Variants in PTPRN2 observed in about 807,000 individuals in gnomAD.
PTPRN2 encodes the protein protein tyrosine phosphatase receptor type N2.
Under a neutral mutation model 118.8 loss-of-function variants are expected in PTPRN2, and 74 were observed. The observed-to-expected ratio is 0.62, with a 90% CI of 0.52 to 0.76. The LOEUF (loss-of-function observed/expected upper bound fraction) is 0.76, where lower values mean the gene tolerates loss of function less well. Ranked by LOEUF, PTPRN2 falls within the 30% of genes least tolerant of loss-of-function variation. PTPRN2 has a pLI of 0.00. For missense variants in PTPRN2, 1,481 were observed against 1,394.4 expected, an observed-to-expected ratio of 1.06 and a Z score of -0.99; for synonymous variants, 641 against 608.0, an observed-to-expected ratio of 1.05 and a Z score of -0.80.
At position 158,355,435 on chromosome 7, in the gene PTPRN2, C is replaced by T. The variant is rs566804846; in HGVS notation, c.164-38503G>A. 6.9e-4 allele frequency among the ~76,000 whole-genome samples: 105 copies of T among 152,336 alleles called. 2 individuals are homozygous for T. In the South Asian group the frequency reaches 0.014, roughly 20 times the overall value. ...AGCTTTTGTGAGCTGTGAACATTGC[C>T]TGCCTCTCTCTCACTCTCCTGCCAG... On this transcript the variant is annotated intron_variant, in intron 2 of 22. Transcript: ENST00000389418.
rs754829334 is a variant in PTPRN2 at position 158,174,487 on chromosome 7, T to G, written c.550-7196A>C. ...AACCATCAGCTTCCCACCATCATCA[T>G]CATCAGCAGCAGCAGCACCATCATC... On this transcript the variant is annotated intron_variant, in intron 5 of 22. Coordinates refer to ENST00000389418, the MANE Select transcript of PTPRN2 (RefSeq NM_002847.5). Among the ~76,000 whole-genome samples the G allele has an allele frequency of 6.5e-4, 98 of 151,328 alleles. 1 individual carries two copies. Among genetic ancestry groups the G allele is most frequent in the Middle Eastern group, 6.8e-3 (2 of 294 alleles).
chr7:157,945,086 T>C (rs530076729), intron 11 of PTPRN2, among the ~76,000 whole-genome samples: 12 of 151,794 alleles, frequency 7.9e-5, no homozygotes, highest in South Asian at 4.2e-4. Flanking sequence ...CTGTGTGAGA[T>C]GGAGATGTGT....
chr7:158,124,786 C>T (rs757556940), intron 9 of PTPRN2, among the ~76,000 whole-genome samples: 37 of 152,146 alleles, frequency 2.4e-4, no homozygotes, highest in Admixed American at 5.2e-4. Flanking sequence ...GCCTGGGCCA[C>T]GCTGGGGCTG....
intron 12 of PTPRN2, among the ~76,000 whole-genome samples, chr7:157,691,968 A>G (rs1797524737): frequency 1.3e-5 from 2 of 152,044 alleles, no homozygotes; most frequent in African/African-American, 4.8e-5. Flanking sequence ...AGCTGGCGAG[A>G]GCCGGAGAGC....
intron 11 of PTPRN2, among the ~76,000 whole-genome samples, chr7:158,050,950 A>C (rs1809281904): frequency 6.6e-6 from 1 of 152,244 alleles, no homozygotes; most frequent in African/African-American, 2.4e-5. Context: ...GAGCACTGAG[A>C]CAACAGCCAC....
chr7:157,834,825 C>T (rs574281261), intron 12 of PTPRN2, among the ~76,000 whole-genome samples: 19 of 152,288 alleles, frequency 1.2e-4, no homozygotes, highest in African/African-American at 4.6e-4. Flanking sequence ...TGTCATGAAC[C>T]CCAAATGTGT....
intron 9 of PTPRN2, among the ~76,000 whole-genome samples, chr7:158,133,085 A>G (rs758681396): frequency 2.0e-4 from 31 of 152,226 alleles, no homozygotes; most frequent in Admixed American, 5.9e-4. Flanking sequence ...CGTTAAGTTC[A>G]GATCGACATG....
chr7:158,359,231 G>T (rs1483751721), intron 2 of PTPRN2, among the ~76,000 whole-genome samples: 3 of 152,252 alleles, frequency 2.0e-5, no homozygotes, highest in Non-Finnish European at 4.4e-5. Context: ...CCAGACACAA[G>T]TCTACAGAGG....
intron 12 of PTPRN2, among the ~76,000 whole-genome samples, chr7:157,774,099 T>G (rs1253904223): frequency 5.9e-5 from 9 of 152,324 alleles, no homozygotes; most frequent in African/African-American, 2.2e-4. Context: ...ACGGACCTAC[T>G]TACTAGGAGC....
At chr7:157,721,461 C>G (rs1799227262) in intron 12 of PTPRN2, among the ~76,000 whole-genome samples, 1 of 152,232 alleles carries the variant, frequency 6.6e-6, no homozygotes, top group South Asian at 2.1e-4. Context: ...GTGTCCATGC[C>G]AAAGCATCTC....
Position 157,814,192 on chromosome 7 carries a change from C to T in PTPRN2, c.1788+84481G>A, listed in dbSNP as rs554538215. Among the ~76,000 whole-genome samples, 24 of 152,334 alleles carry T rather than the reference C, an allele frequency of 1.6e-4. No homozygotes were observed. In the South Asian group the frequency reaches 4.1e-3, roughly 26 times the overall value. On this transcript the variant is annotated intron_variant, in intron 12 of 22. Coordinates refer to ENST00000389418, the MANE Select transcript of PTPRN2 (RefSeq NM_002847.5). ...CTTGGCCTCCATCTTGACAGGCAGG[C>T]GAGGAAGCCCCTGCTGACGCCATTT...
chr7:158,087,626 T>C (rs62480177), intron 10 of PTPRN2, among the ~76,000 whole-genome samples: 4,145 of 34,022 alleles, frequency 0.12, 418 homozygotes, highest in Middle Eastern at 0.35. Context: ...CCTCCCCTGA[T>C]GAAGGAGGGA....
chr7:158,192,293 C>T, intron 5 of PTPRN2, 34 bp downstream of exon 5: 1 of 1,440,966 alleles, frequency 6.9e-7, no homozygotes, highest in Non-Finnish European at 9.1e-7. Context: ...AAGGAAAAGC[C>T]AACCCCGGCC....
At chr7:157,818,984 C>T (rs80126055) in intron 12 of PTPRN2, among the ~76,000 whole-genome samples, 5,341 of 152,144 alleles carry the variant, frequency 0.035, 231 homozygotes, top group East Asian at 0.21. Flanking sequence ...CAGGCCCAGG[C>T]ACCCATGAAA....
At chr7:158,181,439 G>A (rs1824696157) in intron 5 of PTPRN2, among the ~76,000 whole-genome samples, 2 of 152,142 alleles carry the variant, frequency 1.3e-5, no homozygotes, top group African/African-American at 4.8e-5. Flanking sequence ...GTGTCAGAGT[G>A]ATACTGGCTT....
chr7:157,569,066 C>G, intron 20 of PTPRN2, 100 bp from the exon 21 acceptor site: 1 of 1,150,638 alleles, frequency 8.7e-7, no homozygotes, highest in Non-Finnish European at 1.3e-6. Context: ...CTTACGGGGG[C>G]CGGCGAGAGG....
chr7:158,262,771 TTCACACACACTAC>T (rs1286034168), intron 3 of PTPRN2, among the ~76,000 whole-genome samples: 2 of 123,726 alleles, frequency 1.6e-5, no homozygotes, highest in East Asian at 2.6e-4. Context: ...CACACACACA[TTCACACACACTAC>T]ACACATACAC....
At chr7:158,107,597 T>A (rs1815789022) in intron 10 of PTPRN2, among the ~76,000 whole-genome samples, 1 of 152,186 alleles carries the variant, frequency 6.6e-6, no homozygotes. Flanking sequence ...CCTACTTGCC[T>A]GTTTCCATGG....
At chr7:158,279,136 C>T (rs1357071963) in intron 3 of PTPRN2, among the ~76,000 whole-genome samples, 2 of 152,202 alleles carry the variant, frequency 1.3e-5, no homozygotes, top group Non-Finnish European at 2.9e-5. Flanking sequence ...TGGCAGCCTG[C>T]TTTTATCCCC....
Sources: gnomAD v4.1 joint callset for allele counts (sites outside exome capture counted in the v4.1 genomes callset) on GRCh38, gnomAD v4.1.1 for gene constraint, MANE v1.5 for transcripts, NCBI Gene and HGNC (gene_info 2026-07-23, HGNC 2026-07-21) for gene names.